Variants in CAMK1D observed in about 807,000 individuals in gnomAD.
The protein encoded by CAMK1D is calcium/calmodulin-dependent protein kinase type 1D.
A neutral mutation model predicts 47.7 loss-of-function variants in CAMK1D; 9 were observed. That is an observed-to-expected ratio of 0.19 (90% CI 0.11 to 0.33). The LOEUF is 0.33. CAMK1D is among the 10% of genes least tolerant of loss of function. CAMK1D has a pLI of 1.00. For synonymous variants in CAMK1D, 184 were observed against 184.9 expected (o/e 0.99, Z 0.04); for missense variants, 291 against 488.7 (o/e 0.60, Z 3.81).
At chr10:12,602,924 T>TATTATTATTATTATTATTATTA (rs1554795394) in intron 2 of CAMK1D, among the ~76,000 whole-genome samples, 13 of 149,456 alleles carry the variant, frequency 8.7e-5, no homozygotes, top group East Asian at 1.9e-4. Flanking sequence ...TTATTATTAT[T>TATTATTATTATTATTATTATTA]TTGAGACAGA....
chr10:12,604,549 G>C (rs1279904246), intron 2 of CAMK1D, among the ~76,000 whole-genome samples: 1 of 152,138 alleles, frequency 6.6e-6, no homozygotes, highest in Non-Finnish European at 1.5e-5. Flanking sequence ...GCTATTCAGA[G>C]TCTCAGAAAC....
At chr10:12,507,613 C>A (rs2068993) in intron 1 of CAMK1D, among the ~76,000 whole-genome samples, 14,120 of 152,052 alleles carry the variant, frequency 0.093, 882 homozygotes, top group East Asian at 0.36. Context: ...TGAGGGCCGC[C>A]CGGAAGAAAG....
intron 3 of CAMK1D, among the ~76,000 whole-genome samples, chr10:12,694,209 T>TAATATATAATATATATTATAC (rs1833117302): frequency 2.7e-5 from 1 of 37,664 alleles, no homozygotes. Flanking sequence ...ATATATTATG[T>TAATATATAATATATATTATAC]ATAATATAAA....
intron 1 of CAMK1D, among the ~76,000 whole-genome samples, chr10:12,421,540 T>G (rs1840051797): frequency 7.4e-6 from 1 of 135,124 alleles, no homozygotes; most frequent in South Asian, 2.4e-4. Flanking sequence ...TTTTTTTTTT[T>G]TTTGAGACAA....
At chr10:12,397,574 C>T (rs1229034888) in intron 1 of CAMK1D, among the ~76,000 whole-genome samples, 2 of 152,154 alleles carry the variant, frequency 1.3e-5, no homozygotes, top group African/African-American at 4.8e-5. Flanking sequence ...CTGTGCCGTC[C>T]TTGAGGGGAG....
intron 2 of CAMK1D, among the ~76,000 whole-genome samples, chr10:12,579,443 G>A (rs564267630): frequency 9.9e-5 from 15 of 152,180 alleles, no homozygotes; most frequent in African/African-American, 3.4e-4. Flanking sequence ...TGATCATCTT[G>A]TTCTCTCCAT....
chr10:12,538,885 CAAAA>C (rs60713871), intron 1 of CAMK1D, among the ~76,000 whole-genome samples: 58 of 89,168 alleles, frequency 6.5e-4, no homozygotes, highest in Admixed American at 2.7e-3. Context: ...AAAACTGAGG[CAAAA>C]AAAAAAAAAA....
At chr10:12,682,144 C>T (rs376689085) in intron 3 of CAMK1D, among the ~76,000 whole-genome samples, 5 of 152,272 alleles carry the variant, frequency 3.3e-5, no homozygotes, top group South Asian at 2.1e-4. Context: ...GGCGTGAACC[C>T]GGGAGGCGGA....
At chr10:12,781,758 T>C (rs962106900) in intron 5 of CAMK1D, among the ~76,000 whole-genome samples, 1 of 151,890 alleles carries the variant, frequency 6.6e-6, no homozygotes, top group African/African-American at 2.4e-5. Flanking sequence ...TTCAAGCGAT[T>C]CTCCTGCCTC....
At chr10:12,521,288 C>G (rs760338258) in intron 1 of CAMK1D, among the ~76,000 whole-genome samples, 1 of 152,130 alleles carries the variant, frequency 6.6e-6, no homozygotes, top group South Asian at 2.1e-4. Context: ...CTATATTCCA[C>G]AAATTTTTGG....
At chr10:12,605,724 G>T (rs114011100) in intron 2 of CAMK1D, among the ~76,000 whole-genome samples, 1 of 152,204 alleles carries the variant, frequency 6.6e-6, no homozygotes, top group Admixed American at 6.5e-5. Flanking sequence ...AAACACTGCC[G>T]CATTGCCCAG....
intron 2 of CAMK1D, among the ~76,000 whole-genome samples, chr10:12,605,224 C>G (rs1838417457): frequency 6.6e-6 from 1 of 152,088 alleles, no homozygotes; most frequent in South Asian, 2.1e-4. Flanking sequence ...AAATAACAGG[C>G]CTGGCTCCAT....
chr10:12,491,142 T>TGA lies in CAMK1D; in HGVS notation c.93-62079_93-62078dup, dbSNP rs1264092291. Among the ~76,000 whole-genome samples the TGA allele has an allele frequency of 5.5e-4, 74 of 134,334 alleles. 1 individual carries two copies. Among genetic ancestry groups the TGA allele is most frequent in the East Asian group, 2.9e-3 (9 of 3,112 alleles). 88.1% of individuals were successfully genotyped at this position (134,334 alleles called of 152,430 possible). A position where few individuals can be genotyped will look rare whatever the true frequency, so the allele number is the denominator to read the frequency against. On this transcript the variant is annotated intron_variant, in intron 1 of 10. Coordinates refer to ENST00000619168, the MANE Select transcript of CAMK1D (RefSeq NM_153498.4). ...GTTGTAACTGCATCACTGGAGGGTA[T>TGA]GAGAGTATGTGTGTGTGTGTGTGTG...
chr10:12,704,402 C>G (rs1021882619), intron 3 of CAMK1D, among the ~76,000 whole-genome samples: 5 of 152,012 alleles, frequency 3.3e-5, no homozygotes, highest in Non-Finnish European at 5.9e-5. Flanking sequence ...TGGCTAGGGA[C>G]CAGTATAAAT....
intron 4 of CAMK1D, among the ~76,000 whole-genome samples, chr10:12,766,361 CTTTTTTTT>C (rs61097569): frequency 9.7e-6 from 1 of 103,376 alleles, no homozygotes; most frequent in East Asian, 2.7e-4. Context: ...TTGCCTGTTT[CTTTTTTTT>C]TTTTTTTTTT....
chr10:12,790,612 C>T (rs1020961394), intron 5 of CAMK1D, among the ~76,000 whole-genome samples: 8 of 121,960 alleles, frequency 6.6e-5, no homozygotes, highest in South Asian at 5.0e-4. Context: ...CACACACACA[C>T]GCACACACAC....
At chr10:12,592,373 T>C (rs778727748) in intron 2 of CAMK1D, among the ~76,000 whole-genome samples, 4 of 152,252 alleles carry the variant, frequency 2.6e-5, no homozygotes, top group Non-Finnish European at 5.9e-5. Flanking sequence ...AGGTTCATTA[T>C]TTGCCAGCCA....
At chr10:12,522,186 AT>A (rs1175169917) in intron 1 of CAMK1D, among the ~76,000 whole-genome samples, 1 of 92,658 alleles carries the variant, frequency 1.1e-5, no homozygotes, top group Non-Finnish European at 2.3e-5. Context: ...TATATGATAT[AT>A]TTCCTTTTTT....
intron 1 of CAMK1D, among the ~76,000 whole-genome samples, chr10:12,404,667 C>T (rs567553716): frequency 1.1e-3 from 161 of 151,606 alleles, no homozygotes; most frequent in African/African-American, 3.4e-3. Context: ...GATTTTAATC[C>T]GTAATGACCA....
Sources: allele counts gnomAD v4.1 joint callset (sites outside exome capture counted in the v4.1 genomes callset), GRCh38; gene constraint gnomAD v4.1.1; transcripts MANE v1.5; gene names NCBI Gene and HGNC (gene_info 2026-07-23, HGNC 2026-07-21).